The following SREBF2 variants were observed in gnomAD, a reference collection of about 807,000 sequenced individuals.
SREBF2 encodes sterol regulatory element binding transcription factor 2.
In SREBF2, 55 loss-of-function variants were observed where a neutral mutation model predicts 113.1. That is an observed-to-expected ratio of 0.49 (90% confidence interval 0.39 to 0.61). The LOEUF is 0.61. Among genes scored for constraint, SREBF2 ranks in the 20% least tolerant of loss-of-function variants. The pLI is 0.00. For synonymous variants in SREBF2, 593 were observed against 605.7 expected (o/e 0.98, Z 0.31); for missense variants, 1,349 against 1,487.4 (o/e 0.91, Z 1.53).
rs1261312013 is a variant in SREBF2, at chr22:41,868,784, C to T, written c.712C>T (p.Gln238Ter). ...GACAGTTGCTGCGCCACAGGTGCAG[C>T]AGGTCCCGGTAAGTGGCTGGAAAGG... ...VQTVAAPQVQ[Q>*]VPVLVQPQII... Residue 238 changes from glutamine (Q) to a stop codon, truncating the protein, a stop_gained, in exon 3 of 19, where the codon CAG (glutamine) becomes TAG (stop). Coordinates refer to ENST00000361204, the MANE Select transcript of SREBF2 (RefSeq NM_004599.4). LOFTEE classifies it high-confidence loss of function. 1 of 1,610,280 alleles carries T rather than the reference C, an allele frequency of 6.2e-7. No homozygotes were observed. Among genetic ancestry groups the T allele is most frequent in the Non-Finnish European group, 8.5e-7 (1 of 1,178,330 alleles).
chr22:41,899,161 A>G lies in SREBF2; in HGVS notation c.2738+380A>G, dbSNP rs2077442413. On this transcript the variant is annotated intron_variant, in intron 15 of 18. Transcript: ENST00000361204. ...GGTTCACAATCAGTGCAGAGAGGCC[A>G]CTGTTGCCCCCAAAACTCATGTGCA... is the stretch of plus-strand genomic sequence containing the variant. 8 of 1,090,470 alleles carry G rather than the reference A, an allele frequency of 7.3e-6. No homozygotes were observed. The Admixed American group carries it at 1.1e-4, about 15-fold the overall frequency. The allele number at this position is 1,090,470 out of a possible 1,614,324, so 67.5% of individuals were successfully genotyped here. A position where few individuals can be genotyped will look rare whatever the true frequency, so the allele number is the denominator to read the frequency against.
intron 13 of SREBF2, among the ~76,000 whole-genome samples, chr22:41,895,875 C>CA (rs145771215): frequency 0.045 from 6,828 of 151,930 alleles, 499 homozygotes; most frequent in African/African-American, 0.15. Context: ...TGCAGTGGCT[C>CA]ACGTCTGTAA....
rs1487116969 is a variant in SREBF2, at chr22:41,877,271, G to C, written c.1429G>C (p.Val477Leu). ...CTCTCCTCCTGTGGCGCTGGGCATG[G>C]TAGACCGCTCACGGATTCTTCTGTG... ...PDSPPVALGM[V>L]DRSRILLCVL... The change falls in exon 8 of 19, where the codon GTA (valine) becomes CTA (leucine). Residue 477 changes from valine to leucine, a missense_variant. By Grantham distance (32) the Val-to-Leu change is conservative. Transcript: ENST00000361204. 1.2e-6 allele frequency: 2 copies of C among 1,614,224 alleles called. No homozygotes were observed. The highest frequency in any genetic ancestry group is 1.7e-6 in the Non-Finnish European group (2 of 1,180,036).
rs752356399 is a variant in SREBF2, at chr22:41,875,368, T to C, written c.1121T>C (p.Ile374Thr). 6 of 1,613,982 alleles carry C rather than the reference T, an allele frequency of 3.7e-6. No homozygotes were observed. The Admixed American group carries it at 6.7e-5, about 18-fold the overall frequency. The part of the protein sequence containing the change: ...MHKSGVLRKA[I>T]DYIKYLQQVN... ...AAGTCTGGCGTTCTGAGGAAGGCCA[T>C]TGATTACATCAAATACTTGCAGCAG... is the stretch of plus-strand genomic sequence containing the variant. Residue 374 changes from isoleucine to threonine, a missense_variant, in exon 6 of 19, where the codon ATT (isoleucine) becomes ACT (threonine). Physicochemically the swap from Ile to Thr is moderately conservative, Grantham distance 89. Around this residue, in one of 2 missense-constraint regions of SREBF2, gnomAD observed 699 missense variants for 843.3 expected, o/e 0.83. Transcript: ENST00000361204.
chr22:41,900,597 C>A, intron 16 of SREBF2, 99 bp downstream of exon 16: 1 of 1,288,176 alleles, frequency 7.8e-7, no homozygotes, highest in Non-Finnish European at 1.1e-6. Context: ...TGGGGCCATC[C>A]GAAAGACAGA....
chr22:41,883,901 C>T (rs1467822162), intron 10 of SREBF2, among the ~76,000 whole-genome samples: 1 of 152,232 alleles, frequency 6.6e-6, no homozygotes, highest in African/African-American at 2.4e-5. Context: ...AAGCCAGCAA[C>T]AGTATGAAAG....
At chr22:41,899,452 C>T in intron 15 of SREBF2, 1 of 996,122 alleles carries the variant, frequency 1.0e-6, no homozygotes, top group Non-Finnish European at 1.2e-6. Flanking sequence ...GTAAAATGCT[C>T]CAAGACAGAA....
At chr22:41,900,046 A>G (rs2077451880) in intron 15 of SREBF2, 4 of 1,353,124 alleles carry the variant, frequency 3.0e-6, no homozygotes, top group Non-Finnish European at 1.9e-6. Context: ...ACACGTTGGA[A>G]TGACTATCTT....
rs1236382592 is a variant in SREBF2, at chr22:41,867,006, G to A, written c.264G>A (p.Val88=). The part of the protein sequence containing the change: ...GSSSGAVDPS[V]QRSFTQVTLP... ...GCAGCGGAGCTGTGGACCCTTCAGTGCAACGGTCATTCACCCAGGTCACAT... is the reference window on the plus strand; with the variant it reads ...GCAGCGGAGCTGTGGACCCTTCAGTACAACGGTCATTCACCCAGGTCACAT... Residue 88 remains valine (V), a synonymous_variant, in exon 2 of 19, where the codon GTG becomes GTA. Transcript: ENST00000361204. The A allele has an allele frequency of 1.9e-6, 3 of 1,614,026 alleles. No homozygotes were observed. Among genetic ancestry groups the A allele is most frequent in the Non-Finnish European group, 2.5e-6 (3 of 1,179,894 alleles).
chr22:41,903,607 A>G (rs2077482645), intron 17 of SREBF2, among the ~76,000 whole-genome samples: 1 of 152,244 alleles, frequency 6.6e-6, no homozygotes, highest in South Asian at 2.1e-4. Context: ...CGTGATCTGA[A>G]CTAAGTCACG....
At position 41,868,805 on chromosome 22, in the gene SREBF2, A is replaced by G. The variant is rs760740664; in HGVS notation, c.720+13A>G. ...GCAGCAGGTCCCGGTAAGTGGCTGG[A>G]AAGGATTCAGGGAGGCACTGGTTGG... On this transcript the variant is annotated intron_variant, in intron 3 of 18. Coordinates refer to ENST00000361204, the MANE Select transcript of SREBF2 (RefSeq NM_004599.4). 1 of 1,599,558 alleles carries G rather than the reference A, an allele frequency of 6.3e-7. No individual in the cohort carries two copies. Among genetic ancestry groups the G allele is most frequent in the Non-Finnish European group, 8.5e-7 (1 of 1,173,300 alleles).
chr22:41,858,580 T>G (rs1430732430), intron 1 of SREBF2, among the ~76,000 whole-genome samples: 2 of 151,966 alleles, frequency 1.3e-5, no homozygotes, highest in African/African-American at 4.8e-5. Context: ...CAGTCTCTCT[T>G]ACAAATAAAA....
At chr22:41,838,536 C>T (rs1010067555) in intron 1 of SREBF2, among the ~76,000 whole-genome samples, 5 of 152,052 alleles carry the variant, frequency 3.3e-5, no homozygotes, top group Non-Finnish European at 7.4e-5. Flanking sequence ...AGTTCGAGAC[C>T]AGCTTGGCCA....
chr22:41,887,674 A>G (rs113550586), intron 11 of SREBF2, among the ~76,000 whole-genome samples: 2 of 152,286 alleles, frequency 1.3e-5, no homozygotes, highest in African/African-American at 2.4e-5. Flanking sequence ...TGCTGCTGTG[A>G]ACCTCCTTGT....
chr22:41,902,902 G>C, intron 16 of SREBF2, 68 bp from the exon 17 acceptor site: 1 of 1,517,614 alleles, frequency 6.6e-7, no homozygotes, highest in Non-Finnish European at 9.0e-7. Context: ...GGCCTGGTAG[G>C]TGCTAGGATC....
chr22:41,864,218 G>C (rs2077049521), intron 1 of SREBF2, among the ~76,000 whole-genome samples: 1 of 56,570 alleles, frequency 1.8e-5, no homozygotes, highest in South Asian at 7.7e-4. Context: ...CTATCCTTCT[G>C]CAAGCATATA....
At chr22:41,886,840 C>G (rs1053868963) in intron 11 of SREBF2, among the ~76,000 whole-genome samples, 1 of 152,198 alleles carries the variant, frequency 6.6e-6, no homozygotes, top group African/African-American at 2.4e-5. Context: ...TCAAGACCAG[C>G]CTGACCAATA....
chr22:41,844,233 T>G (rs2076857639), intron 1 of SREBF2, among the ~76,000 whole-genome samples: 2 of 152,182 alleles, frequency 1.3e-5, no homozygotes, highest in African/African-American at 4.8e-5. Flanking sequence ...ATGATGTAGC[T>G]AAGGTACAAA....
intron 11 of SREBF2, among the ~76,000 whole-genome samples, chr22:41,892,522 C>T (rs2148410565): frequency 6.6e-6 from 1 of 151,846 alleles, no homozygotes; most frequent in South Asian, 2.1e-4. Context: ...GTGGCGCGCG[C>T]CTGTAGTCCC....
Sources: gnomAD v4.1 joint callset for allele counts (sites outside exome capture counted in the v4.1 genomes callset) on GRCh38, gnomAD v4.1.1 for gene constraint, gnomAD v4.1.1 regional missense constraint, MANE v1.5 for transcripts, NCBI Gene and HGNC (gene_info 2026-07-23, HGNC 2026-07-21) for gene names.